Variants in CAP2 observed in about 807,000 individuals in gnomAD.
The protein encoded by CAP2 is cyclase associated actin cytoskeleton regulatory protein 2, also known as adenylyl cyclase-associated protein 2.
Under a neutral mutation model 57.7 loss-of-function variants are expected in CAP2, and 24 were observed. That is an observed-to-expected ratio of 0.42 (90% CI 0.30 to 0.58). CAP2 has a LOEUF of 0.58. CAP2 is among the 20% of genes least tolerant of loss of function. CAP2 has a pLI of 0.22. For missense variants in CAP2, 501 were observed against 590.3 expected (o/e 0.85, Z 1.57); for synonymous variants, 194 against 207.2 (o/e 0.94, Z 0.55).
chr6:17,397,912 G>A (rs1213304651), intron 1 of CAP2, among the ~76,000 whole-genome samples: 1 of 149,356 alleles, frequency 6.7e-6, no homozygotes, highest in Non-Finnish European at 1.5e-5. Flanking sequence ...AATGTGCCAT[G>A]TATTTTAATG....
chr6:17,464,565 G>T (rs9370992), intron 4 of CAP2, among the ~76,000 whole-genome samples: 1 of 151,642 alleles, frequency 6.6e-6, no homozygotes, highest in African/African-American at 2.4e-5. Context: ...CCAAGGGACT[G>T]TGACTTCATT....
chr6:17,522,303 C>T (rs201351920), intron 7 of CAP2, among the ~76,000 whole-genome samples: 12 of 152,112 alleles, frequency 7.9e-5, no homozygotes, highest in Admixed American at 1.3e-4. Flanking sequence ...CACTTTTACA[C>T]GTTCATTTAT....
At chr6:17,553,350 T>C (rs1461819005) in intron 12 of CAP2, among the ~76,000 whole-genome samples, 2 of 139,074 alleles carry the variant, frequency 1.4e-5, no homozygotes, top group Non-Finnish European at 3.1e-5. Context: ...ACCAAGGTCT[T>C]GGCCGCGTGC....
chr6:17,438,732 C>T (rs1041974273), intron 3 of CAP2, among the ~76,000 whole-genome samples: 5 of 147,614 alleles, frequency 3.4e-5, no homozygotes, highest in Non-Finnish European at 7.4e-5. Context: ...AGCCACCGCA[C>T]CCGGCCCAGA....
chr6:17,507,596 A>G (rs1561809334), intron 5 of CAP2, 45 bp from the exon 6 acceptor site: 7 of 1,130,298 alleles, frequency 6.2e-6, no homozygotes, highest in Non-Finnish European at 9.3e-6. Context: ...TTCTTATCCT[A>G]TTTTTTTTTC....
At chr6:17,462,866 T>C in intron 3 of CAP2, 130 bp from the exon 4 acceptor site, 1 of 685,026 alleles carries the variant, frequency 1.5e-6, no homozygotes, top group Non-Finnish European at 2.6e-6. Context: ...AACATTCATT[T>C]ACAAGTTTTT....
intron 4 of CAP2, among the ~76,000 whole-genome samples, chr6:17,503,793 G>A (rs1761900505): frequency 6.6e-6 from 1 of 152,054 alleles, no homozygotes; most frequent in Non-Finnish European, 1.5e-5. Context: ...TTGGTTGGGG[G>A]GCAGGTGCAC....
At chr6:17,531,771 T>G (rs1017763960) in intron 7 of CAP2, 4 of 580,228 alleles carry the variant, frequency 6.9e-6, no homozygotes, top group Non-Finnish European at 1.2e-5. Context: ...GCCCTTCAGC[T>G]TCTCCTTTTA....
At chr6:17,411,878 C>T (rs752413862) in intron 1 of CAP2, among the ~76,000 whole-genome samples, 33 of 152,130 alleles carry the variant, frequency 2.2e-4, no homozygotes, top group East Asian at 5.8e-4. Context: ...AAAGGGGCAA[C>T]GTGGGGACAC....
intron 3 of CAP2, among the ~76,000 whole-genome samples, chr6:17,456,808 G>T (rs1185304435): frequency 2.0e-5 from 3 of 152,104 alleles, no homozygotes; most frequent in Non-Finnish European, 4.4e-5. Flanking sequence ...TCCAAGTATT[G>T]CCTGTGGCCT....
chr6:17,433,785 T>G (rs529857877), intron 3 of CAP2, among the ~76,000 whole-genome samples: 1 of 152,350 alleles, frequency 6.6e-6, no homozygotes, highest in East Asian at 1.9e-4. Context: ...CTACCAAACA[T>G]GCTTTGATTC....
chr6:17,443,574 G>GACACAC (rs3075206), intron 3 of CAP2, among the ~76,000 whole-genome samples: 57,962 of 149,956 alleles, frequency 0.39, 11,258 homozygotes, highest in East Asian at 0.54. Context: ...AAAACACACA[G>GACACAC]ACACACACAC....
At chr6:17,460,676 A>G (rs1335257771) in intron 3 of CAP2, among the ~76,000 whole-genome samples, 1 of 152,190 alleles carries the variant, frequency 6.6e-6, no homozygotes, top group East Asian at 1.9e-4. Context: ...AGGACATAAA[A>G]ACTATTATGG....
chr6:17,489,212 T>C (rs1761491386), intron 4 of CAP2, among the ~76,000 whole-genome samples: 1 of 152,002 alleles, frequency 6.6e-6, no homozygotes, highest in South Asian at 2.1e-4. Flanking sequence ...GGCGGGCACA[T>C]CACGAGGTCA....
At chr6:17,455,628 C>T (rs758973731) in intron 3 of CAP2, among the ~76,000 whole-genome samples, 6 of 151,990 alleles carry the variant, frequency 3.9e-5, no homozygotes, top group African/African-American at 9.7e-5. Context: ...CTCCGCCTCC[C>T]GGGTTCATGC....
chr6:17,499,215 A>G (rs1320131102), intron 4 of CAP2, among the ~76,000 whole-genome samples: 1 of 150,844 alleles, frequency 6.6e-6, no homozygotes, highest in African/African-American at 2.4e-5. Context: ...CCTGGCCAAC[A>G]TGGTGAAACC....
chr6:17,403,896 T>C (rs1758878550), intron 1 of CAP2, among the ~76,000 whole-genome samples: 1 of 152,186 alleles, frequency 6.6e-6, no homozygotes, highest in African/African-American at 2.4e-5. Context: ...GTGTTGGAAG[T>C]TACATTCTTT....
chr6:17,462,938 A>G, intron 3 of CAP2, 58 bp from the exon 4 acceptor site: 2 of 1,354,460 alleles, frequency 1.5e-6, no homozygotes, highest in Non-Finnish European at 2.1e-6. Flanking sequence ...GCCAGATTAT[A>G]TGGTAACAAT....
At chr6:17,458,886 C>CAAAAAAAAAAAAA (rs397779120) in intron 3 of CAP2, among the ~76,000 whole-genome samples, 2 of 110,286 alleles carry the variant, frequency 1.8e-5, no homozygotes, top group African/African-American at 3.0e-5. Context: ...CACAAAGGAG[C>CAAAAAAAAAAAAA]AAAAAAAAAA....
Sources: gnomAD v4.1 joint callset for allele counts (sites outside exome capture counted in the v4.1 genomes callset) on GRCh38, gnomAD v4.1.1 for gene constraint, MANE v1.5 for transcripts, NCBI Gene and HGNC (gene_info 2026-07-23, HGNC 2026-07-21) for gene names.